The following MAST3 variants were observed in gnomAD, a reference collection of about 807,000 sequenced individuals.
MAST3 encodes microtubule associated serine/threonine kinase 3, also known as microtubule-associated serine/threonine-protein kinase 3.
A neutral mutation model predicts 127.0 loss-of-function variants in MAST3; 43 were observed. That is an observed-to-expected ratio of 0.34 (90% confidence interval 0.27 to 0.44). MAST3 has a LOEUF of 0.44. MAST3 is among the 20% of genes least tolerant of loss of function. MAST3 has a pLI of 1.00. For missense variants in MAST3, 1,390 were observed against 1,919.1 expected (o/e 0.72, Z 5.15); for synonymous variants, 785 against 809.2 (o/e 0.97, Z 0.51).
intron 20 of MAST3, among the ~76,000 whole-genome samples, chr19:18,141,165 G>T (rs1449536578): frequency 1.3e-5 from 2 of 152,016 alleles, no homozygotes; most frequent in East Asian, 3.9e-4. Flanking sequence ...ATCAAAAAAT[G>T]CTCCACTCTG....
chr19:18,125,635 G>A (rs573246246), intron 11 of MAST3, among the ~76,000 whole-genome samples: 51 of 151,868 alleles, frequency 3.4e-4, no homozygotes, highest in African/African-American at 1.1e-3. Flanking sequence ...CAGCTACTCG[G>A]GAGGCTGAGG....
chr19:18,123,035 G>A (rs534065740), intron 6 of MAST3, among the ~76,000 whole-genome samples, 182 bp from the exon 7 acceptor site: 2 of 152,294 alleles, frequency 1.3e-5, no homozygotes, highest in East Asian at 3.9e-4. Flanking sequence ...AGGCAGAGAG[G>A]ACTTCCTGGA....
At chr19:18,102,858 G>C (rs1332518099) in intron 1 of MAST3, among the ~76,000 whole-genome samples, 1 of 152,194 alleles carries the variant, frequency 6.6e-6, no homozygotes. Context: ...ACAGCACCCA[G>C]CTGCTTCGGG....
rs573501616 is a variant in MAST3, at chr19:18,143,172, C to T, written c.2340-591C>T. ...AGAGATGGGGTCTCCTTATGTTGCC[C>T]GCCCTGGTCTCGAACTCCTGGCCTC... On this transcript the variant is annotated intron_variant, in intron 21 of 27. Coordinates refer to ENST00000687212, the MANE Select transcript of MAST3 (RefSeq NM_001393504.1). 3.4e-3 allele frequency among the ~76,000 whole-genome samples: 510 copies of T among 151,978 alleles called. 1 individual carries two copies. The highest frequency in any genetic ancestry group is 5.6e-3 in the Non-Finnish European group (384 of 67,976).
At chr19:18,134,455 CG>C (rs2041681257) in intron 15 of MAST3, 123 bp from the exon 16 acceptor site, 2 of 1,330,760 alleles carry the variant, frequency 1.5e-6, no homozygotes, top group East Asian at 5.1e-5. Flanking sequence ...GCAGGAGGAT[CG>C]CTAGGGCCCA....
intron 3 of MAST3, chr19:18,118,031 C>T (rs1384916217): frequency 4.7e-6 from 4 of 854,656 alleles, no homozygotes; most frequent in African/African-American, 1.8e-5. Flanking sequence ...GCGCTTCCTT[C>T]TCGCCGCCCC....
At chr19:18,143,401 C>T (rs1250035153) in intron 21 of MAST3, among the ~76,000 whole-genome samples, 1 of 152,152 alleles carries the variant, frequency 6.6e-6, no homozygotes, top group Non-Finnish European at 1.5e-5. Flanking sequence ...CATGGTGTAA[C>T]CCCGTCTCTA....
intron 3 of MAST3, among the ~76,000 whole-genome samples, chr19:18,113,163 G>A (rs541985350): frequency 3.3e-5 from 5 of 152,092 alleles, no homozygotes; most frequent in African/African-American, 1.2e-4. Context: ...ACTCACCACC[G>A]GGGGGCAGCA....
chr19:18,135,834 G>T lies in MAST3; in HGVS notation c.1965G>T (p.Leu655=). Residue 655 remains leucine (L), a synonymous_variant, in exon 18 of 28, where the codon CTG becomes CTT. Transcript: ENST00000687212. ...RLLRQSPLDR[L]GTGGTHEVKQ... ...TCCGGCAGAGCCCGCTGGACCGTCTGGGCACTGGTATGTAGTGTGGGGGAG... is the reference window on the plus strand; with the variant it reads ...TCCGGCAGAGCCCGCTGGACCGTCTTGGCACTGGTATGTAGTGTGGGGGAG... 6.2e-7 allele frequency: 1 copy of T among 1,605,024 alleles called. No homozygotes were observed. Among genetic ancestry groups the T allele is most frequent in the South Asian group, 1.1e-5 (1 of 89,204 alleles).
At chr19:18,100,345 C>T (rs1245722131) in intron 1 of MAST3, among the ~76,000 whole-genome samples, 2 of 151,804 alleles carry the variant, frequency 1.3e-5, no homozygotes, top group African/African-American at 4.8e-5. Context: ...AGGCTGGTAT[C>T]AAACTCCTGA....
chr19:18,145,845 G>A lies in MAST3; in HGVS notation c.3142G>A (p.Val1048Ile), dbSNP rs542637531. 2.6e-5 allele frequency: 42 copies of A among 1,597,734 alleles called. No individual in the cohort carries two copies. The East Asian group carries it at 2.8e-4, about 11-fold the overall frequency. Residue 1048 changes from valine to isoleucine, a missense_variant, in exon 25 of 28, where the codon GTC becomes ATC. By Grantham distance (29) the Val-to-Ile change is conservative. Transcript: ENST00000687212. The surrounding 1 kb of genome is among the most constrained non-coding windows in gnomAD (Gnocchi z 5.9). ...ESVLGLVHMDVVELLLKSGNK... is the reference protein window; with the variant it reads ...ESVLGLVHMDIVELLLKSGNK... The stretch of plus-strand genomic sequence containing the variant: ...AGTGCTGGGGCTGGTGCACATGGAC[G>A]TCGTGGAGCTGCTGCTGAAGGTGCG...
At chr19:18,138,886 C>A (rs1222960359) in intron 19 of MAST3, 129 bp from the exon 20 acceptor site, 2 of 660,684 alleles carry the variant, frequency 3.0e-6, no homozygotes, top group Non-Finnish European at 5.5e-6. Flanking sequence ...ACACACCAGG[C>A]ACTGTCCCAC....
Position 18,141,874 on chromosome 19 carries a change from C to T in MAST3, c.2206-8C>T. 1 of 1,416,616 alleles carries T rather than the reference C, an allele frequency of 7.1e-7. No homozygotes were observed. Among genetic ancestry groups the T allele is most frequent in the Non-Finnish European group, 9.3e-7 (1 of 1,070,018 alleles). The allele number at this position is 1,416,616 out of a possible 1,614,324, so 87.8% of individuals were successfully genotyped here. A position where few individuals can be genotyped will look rare whatever the true frequency, so the allele number is the denominator to read the frequency against. On this transcript the variant is annotated splice_polypyrimidine_tract_variant and splice_region_variant and intron_variant, in intron 20 of 27. Transcript: ENST00000687212. ...CCCGGCTTACCATTCTTTTGTCTTGCCTCCCAGGTCTACAGCAGCTCTGAG... is the reference window on the plus strand; with the variant it reads ...CCCGGCTTACCATTCTTTTGTCTTGTCTCCCAGGTCTACAGCAGCTCTGAG...
chr19:18,144,433 A>G lies in MAST3; in HGVS notation c.2585-33A>G. The stretch of plus-strand genomic sequence containing the variant: ...CCTTTAGGACCACATGGTGAGTTTG[A>G]GGGGCACCCAGCTGACCCTGCTGAC... On this transcript the variant is annotated intron_variant, in intron 22 of 27. Transcript: ENST00000687212. This position sits in a 1 kb window ranked among gnomAD's most constrained non-coding sequence, Gnocchi z 4.0. 1 of 1,526,656 alleles carries G rather than the reference A, an allele frequency of 6.6e-7. No individual in the cohort carries two copies. The allele number at this position is 1,526,656 out of a possible 1,614,324, so 94.6% of individuals were successfully genotyped here. A position where few individuals can be genotyped will look rare whatever the true frequency, so the allele number is the denominator to read the frequency against.
intron 27 of MAST3, among the ~76,000 whole-genome samples, chr19:18,148,370 G>C (rs1418104382): frequency 1.3e-5 from 2 of 152,082 alleles, no homozygotes; most frequent in African/African-American, 4.8e-5. Context: ...GCTGAGATGG[G>C]AGGCTCACTT....
At chr19:18,143,111 CA>C (rs71164373) in intron 21 of MAST3, among the ~76,000 whole-genome samples, 133,286 of 139,510 alleles carry the variant, frequency 0.96, 63,654 homozygotes, top group African/African-American at 0.98. Context: ...GACTCTGTCT[CA>C]AAAAAAAAAA....
Position 18,149,368 on chromosome 19 carries a change from G to T in MAST3, c.3686G>T (p.Cys1229Phe), listed in dbSNP as rs1327998023. The T allele has an allele frequency of 4.7e-6, 7 of 1,492,646 alleles. No homozygotes were observed. Among genetic ancestry groups the T allele is most frequent in the Admixed American group, 2.3e-5 (1 of 44,082 alleles). The allele number at this position is 1,492,646 out of a possible 1,614,324, so 92.5% of individuals were successfully genotyped here. The change falls in exon 28 of 28, where the codon TGC becomes TTC. Residue 1229 changes from cysteine (C) to phenylalanine (F), a missense_variant. Transcript: ENST00000687212. The surrounding 1 kb of genome is among the most constrained non-coding windows in gnomAD (Gnocchi z 5.9). ...AGCATCCCGCCCTCCCCGCTGGCCT[G>T]CCCGCCCATCTCCGCGCCCCCACCC... Reference protein sequence around the residue: ...TSSIPPSPLACPPISAPPPRS... With the variant: ...TSSIPPSPLAFPPISAPPPRS...
At position 18,145,151 on chromosome 19, in the gene MAST3, G is replaced by A. The variant is rs760868537; in HGVS notation, c.2961G>A (p.Lys987=). 1.9e-6 allele frequency: 3 copies of A among 1,613,830 alleles called. No individual in the cohort carries two copies. Among genetic ancestry groups the A allele is most frequent in the African/African-American group, 2.7e-5 (2 of 74,926 alleles). ...RPPIVIHSSG[K]KYGFSLRAIR... ...CCATCGTTATCCACAGCTCTGGCAAGAAGTACGGCTTCAGCCTGCGGGCGA... is the reference window on the plus strand; with the variant it reads ...CCATCGTTATCCACAGCTCTGGCAAAAAGTACGGCTTCAGCCTGCGGGCGA... The change falls in exon 24 of 28, where the codon AAG becomes AAA. Residue 987 remains lysine (K), a synonymous_variant. Coordinates refer to ENST00000687212, the MANE Select transcript of MAST3 (RefSeq NM_001393504.1). This position sits in a 1 kb window ranked among gnomAD's most constrained non-coding sequence, Gnocchi z 5.9.
Position 18,130,573 on chromosome 19 carries a change from CGTAACCAGA to C in MAST3, c.1304_1312del (p.Arg435_Ile438delinsLeu). 1 of 1,613,180 alleles carries C rather than the reference CGTAACCAGA, an allele frequency of 6.2e-7. No homozygotes were observed. Among genetic ancestry groups the C allele is most frequent in the Non-Finnish European group, 8.5e-7 (1 of 1,179,574 alleles). ...GATCAACAAACAGAACTTGATCCTG[CGTAACCAGA>C]TCCAGCAGGTCTTTGTGGAGCGTGA... is the stretch of plus-strand genomic sequence containing the variant. On this transcript the variant is annotated inframe_deletion, in exon 14 of 28. Transcript: ENST00000687212.
Sources: gnomAD v4.1 joint callset for allele counts (sites outside exome capture counted in the v4.1 genomes callset) on GRCh38, gnomAD v4.1.1 for gene constraint, Gnocchi (gnomAD v3.1) non-coding constraint, MANE v1.5 for transcripts, NCBI Gene and HGNC (gene_info 2026-07-23, HGNC 2026-07-21) for gene names.